The following CDC42SE2 variants were observed in gnomAD, a reference collection of about 807,000 sequenced individuals.
CDC42SE2 encodes CDC42 small effector 2.
CDC42SE2 carries 3 observed loss-of-function variants against 11.5 expected under a neutral mutation model. The observed-to-expected ratio is 0.26, with a 90% CI of 0.12 to 0.67. The LOEUF (loss-of-function observed/expected upper bound fraction) is 0.67, where lower values mean the gene tolerates loss of function less well. CDC42SE2 is among the 30% of genes least tolerant of loss of function. The pLI is 0.80. For synonymous variants in CDC42SE2, 33 were observed against 34.8 expected (o/e 0.95, Z 0.18); for missense variants, 82 against 106.8 (o/e 0.77, Z 1.02).
intron 2 of CDC42SE2, among the ~76,000 whole-genome samples, chr5:131,347,947 C>T (rs147546750): frequency 5.8e-4 from 88 of 152,286 alleles, no homozygotes; most frequent in Non-Finnish European, 9.4e-4. Context: ...AATTCAACAA[C>T]GCTTCATGCT....
intron 1 of CDC42SE2, among the ~76,000 whole-genome samples, chr5:131,313,223 C>T (rs565495192): frequency 6.6e-6 from 1 of 152,228 alleles, no homozygotes; most frequent in South Asian, 2.1e-4. Flanking sequence ...ACCTCGTGAT[C>T]TGCCTGCCTC....
chr5:131,356,373 C>A (rs1749547399), intron 2 of CDC42SE2, among the ~76,000 whole-genome samples: 1 of 152,004 alleles, frequency 6.6e-6, no homozygotes, highest in Non-Finnish European at 1.5e-5. Context: ...TTCAATACTT[C>A]CTTGAAGGTG....
chr5:131,384,218 T>A (rs1333714305), intron 3 of CDC42SE2, among the ~76,000 whole-genome samples: 3 of 152,080 alleles, frequency 2.0e-5, no homozygotes, highest in African/African-American at 7.2e-5. Context: ...TTGTTGTTTC[T>A]ATCTATGACA....
chr5:131,256,886 T>C (rs1261027138), intron 2 of CDC42SE2, among the ~76,000 whole-genome samples: 2 of 152,228 alleles, frequency 1.3e-5, no homozygotes, highest in East Asian at 3.8e-4. Flanking sequence ...GATAATCTCC[T>C]TATGTTAAGG....
chr5:131,357,218 T>G (rs962299904), intron 2 of CDC42SE2, among the ~76,000 whole-genome samples: 1 of 152,228 alleles, frequency 6.6e-6, no homozygotes, highest in African/African-American at 2.4e-5. Context: ...TTCTGAATTT[T>G]AATTAATGGC....
chr5:131,345,240 G>T (rs767058315), intron 2 of CDC42SE2, among the ~76,000 whole-genome samples: 1 of 152,098 alleles, frequency 6.6e-6, no homozygotes, highest in African/African-American at 2.4e-5. Flanking sequence ...CTATCGCAAA[G>T]AAGCTAAAAA....
chr5:131,319,976 G>A lies in CDC42SE2; in HGVS notation c.-286+3832G>A, dbSNP rs146225276. ...CAAGGCAGAAGAATGGCGTGAACCC[G>A]GGAGGCAGAAGTTGCAGTGAGCGGA... On this transcript the variant is annotated intron_variant, in intron 2 of 4. Coordinates refer to ENST00000505065, the MANE Select transcript of CDC42SE2 (RefSeq NM_001375635.1). Among the ~76,000 whole-genome samples the A allele has an allele frequency of 3.2e-3, 486 of 149,710 alleles. 6 individuals carry two copies. The highest frequency in any genetic ancestry group is 0.012 in the African/African-American group (477 of 40,456).
At chr5:131,244,759 G>A (rs1756567430), upstream of CDC42SE2, among the ~76,000 whole-genome samples, 1 of 152,096 alleles carries the variant, frequency 6.6e-6, no homozygotes, top group Admixed American at 6.6e-5. Flanking sequence ...AAGACCTGTT[G>A]GGTTAGGTCA....
intron 1 of CDC42SE2, among the ~76,000 whole-genome samples, chr5:131,268,688 G>A (rs994405973): frequency 6.6e-6 from 1 of 150,380 alleles, no homozygotes; most frequent in African/African-American, 2.5e-5. Flanking sequence ...CCGACTTCAG[G>A]TGATCTGCCT....
chr5:131,214,981 C>A, the CDC42SE2 span, among the ~76,000 whole-genome samples: 1 of 152,184 alleles, frequency 6.6e-6, no homozygotes, highest in African/African-American at 2.4e-5. Flanking sequence ...GCAGGAGAAG[C>A]AAAACTGTAA....
At chr5:131,305,151 A>G (rs988044809) in intron 1 of CDC42SE2, among the ~76,000 whole-genome samples, 2 of 152,194 alleles carry the variant, frequency 1.3e-5, no homozygotes, top group East Asian at 1.9e-4. Flanking sequence ...TTGACTCAGC[A>G]TAATTATTTT....
intron 3 of CDC42SE2, among the ~76,000 whole-genome samples, chr5:131,379,867 T>C (rs1327955202): frequency 6.6e-6 from 1 of 152,170 alleles, no homozygotes; most frequent in Admixed American, 6.5e-5. Flanking sequence ...TTCCTGTTTT[T>C]CTTTGCGGAG....
chr5:131,339,296 C>T (rs1002777186), intron 2 of CDC42SE2, among the ~76,000 whole-genome samples: 2 of 140,992 alleles, frequency 1.4e-5, no homozygotes, highest in African/African-American at 5.3e-5. Context: ...AACAGAGAGA[C>T]CTGGACTTGC....
At chr5:131,234,276 CTCTTA>C in the CDC42SE2 span, among the ~76,000 whole-genome samples, 15 of 152,146 alleles carry the variant, frequency 9.9e-5, no homozygotes, top group African/African-American at 2.4e-4. Flanking sequence ...AGTTGCATTT[CTCTTA>C]TCTTATTAGG....
At chr5:131,252,273 C>T (rs1219788386) in intron 1 of CDC42SE2, among the ~76,000 whole-genome samples, 1 of 152,200 alleles carries the variant, frequency 6.6e-6, no homozygotes, top group African/African-American at 2.4e-5. Flanking sequence ...TTGAACTTTA[C>T]TCTTAAAGCA....
chr5:131,322,082 C>CCT (rs1222781041), intron 2 of CDC42SE2, among the ~76,000 whole-genome samples: 1 of 151,910 alleles, frequency 6.6e-6, no homozygotes, highest in African/African-American at 2.4e-5. Flanking sequence ...GATCTCCTGA[C>CCT]CTCGTGATTC....
At chr5:131,310,561 A>G (rs1757882380) in intron 1 of CDC42SE2, among the ~76,000 whole-genome samples, 2 of 151,508 alleles carry the variant, frequency 1.3e-5, no homozygotes, top group South Asian at 2.1e-4. Flanking sequence ...AAAATCTCCC[A>G]TTATTAATGT....
At chr5:131,300,342 A>T (rs1365773821) in intron 1 of CDC42SE2, among the ~76,000 whole-genome samples, 1 of 152,200 alleles carries the variant, frequency 6.6e-6, no homozygotes, top group Non-Finnish European at 1.5e-5. Flanking sequence ...TGAGTTGGAT[A>T]AGAAAGAGAA....
chr5:131,336,619 A>G (rs924389612), intron 2 of CDC42SE2, among the ~76,000 whole-genome samples: 5 of 152,180 alleles, frequency 3.3e-5, no homozygotes, highest in African/African-American at 9.7e-5. Flanking sequence ...ATTGAGACGT[A>G]TATTTGGTCT....
Sources: gnomAD v4.1 joint callset for allele counts (sites outside exome capture counted in the v4.1 genomes callset) on GRCh38, gnomAD v4.1.1 for gene constraint, MANE v1.5 for transcripts, NCBI Gene and HGNC (gene_info 2026-07-23, HGNC 2026-07-21) for gene names.